PROSER3: variants seen among roughly 807,000 people sequenced by gnomAD.
The protein encoded by PROSER3 is proline and serine-rich protein 3.
Under a neutral mutation model 50.2 loss-of-function variants are expected in PROSER3, and 33 were observed. That is an observed-to-expected ratio of 0.66 (90% CI 0.50 to 0.88). The LOEUF is 0.88. Among genes scored for constraint, PROSER3 ranks in the 40% least tolerant of loss-of-function variants. The probability of loss-of-function intolerance (pLI) is 0.00; values close to 1 mark genes in which losing one functional copy is unlikely to be tolerated. For missense variants in PROSER3, 623 were observed against 612.7 expected (o/e 1.02, Z -0.18); for synonymous variants, 266 against 259.3 (o/e 1.03, Z -0.25).
intron 1 of PROSER3, 175 bp from the exon 2 acceptor site, chr19:35,759,199 A>G (rs959641976): frequency 3.3e-6 from 2 of 605,636 alleles, no homozygotes; most frequent in African/African-American, 3.7e-5. Context: ...GCGGGCTCCC[A>G]GGACTCACCC....
exon 11 of PROSER3, chr19:35,768,430 T>C: frequency 1.3e-6 from 2 of 1,597,776 alleles, no homozygotes; most frequent in Non-Finnish European, 1.7e-6. Context: ...TTATCGTTCC[T>C]GTTGGACCAG....
intron 3 of PROSER3, among the ~76,000 whole-genome samples, chr19:35,761,475 C>G (rs2146570873): frequency 6.6e-6 from 1 of 152,176 alleles, no homozygotes; most frequent in South Asian, 2.1e-4. Flanking sequence ...AGTTTGAGAC[C>G]AGCCTGACCA....
At chr19:35,767,239 C>G (rs1243683840) in intron 8 of PROSER3, 1 of 387,766 alleles carries the variant, frequency 2.6e-6, no homozygotes, top group East Asian at 4.5e-5. Context: ...CCAGCTCCCA[C>G]GGGTTCTTCT....
chr19:35,759,605 C>T, intron 2 of PROSER3, 135 bp downstream of exon 2: 1 of 1,011,686 alleles, frequency 9.9e-7, no homozygotes, highest in Non-Finnish European at 1.5e-6. Context: ...CCCCACGGCC[C>T]TGCCCTTGTC....
intron 8 of PROSER3, chr19:35,767,761 C>T: frequency 6.3e-7 from 1 of 1,576,774 alleles, no homozygotes; most frequent in African/African-American, 1.3e-5. Flanking sequence ...AACCCCAAAC[C>T]AAGGTCACTC....
intron 7 of PROSER3, among the ~76,000 whole-genome samples, chr19:35,766,011 G>T (rs958072928): frequency 1.3e-5 from 2 of 152,124 alleles, no homozygotes; most frequent in Non-Finnish European, 2.9e-5. Flanking sequence ...GCCAAGGGAG[G>T]GTTCTTAAGT....
chr19:35,758,294 C>A, intron 1 of PROSER3, 68 bp downstream of exon 1: 1 of 1,515,724 alleles, frequency 6.6e-7, no homozygotes, highest in South Asian at 1.2e-5. Flanking sequence ...GCAGCACAGC[C>A]TAGGACGGGC....
At chr19:35,761,147 A>G (rs1208422730) in intron 3 of PROSER3, among the ~76,000 whole-genome samples, 1 of 152,154 alleles carries the variant, frequency 6.6e-6, no homozygotes, top group Non-Finnish European at 1.5e-5. Context: ...CACATTTCAT[A>G]CCCTGTTTGT....
chr19:35,767,861 A>G (rs1257245719), exon 9 of PROSER3: 2 of 1,612,448 alleles, frequency 1.2e-6, no homozygotes, highest in South Asian at 2.2e-5. Flanking sequence ...GATACGGAAG[A>G]GCGAAGCCAC....
chr19:35,759,457 C>T (rs945526701), exon 2 of PROSER3: 18 of 1,612,606 alleles, frequency 1.1e-5, no homozygotes, highest in Non-Finnish European at 1.4e-5. Context: ...CAGAGCCAGA[C>T]CTGGTGTCCC....
exon 9 of PROSER3, chr19:35,767,809 G>A (rs2146630286): frequency 6.2e-7 from 1 of 1,612,380 alleles, no homozygotes; most frequent in East Asian, 2.2e-5. Context: ...CCAAGGCCGA[G>A]TCTCTGAAAG....
intron 5 of PROSER3, 135 bp from the exon 6 acceptor site, chr19:35,764,719 G>A: frequency 1.4e-6 from 1 of 702,912 alleles, no homozygotes; most frequent in East Asian, 2.8e-5. Flanking sequence ...TCCTCCCTGA[G>A]GAGGAGGAGC....
chr19:35,766,716 G>A, intron 7 of PROSER3, 52 bp from the exon 8 acceptor site: 1 of 1,363,056 alleles, frequency 7.3e-7, no homozygotes, highest in East Asian at 2.5e-5. Flanking sequence ...TCCTGGGGTT[G>A]CTGATCTCCC....
At chr19:35,770,888 TA>T (rs34372989), downstream of PROSER3, 72,306 of 148,458 alleles carry the variant, frequency 0.49, 18,542 homozygotes, top group East Asian at 0.75. Context: ...GAGGCTACAT[TA>T]AAAAAAAAAA....
At chr19:35,765,249 A>T in intron 7 of PROSER3, 73 bp downstream of exon 7, 1 of 1,509,530 alleles carries the variant, frequency 6.6e-7, no homozygotes. Context: ...CAGCTATGGG[A>T]CTTTGGGCCT....
At chr19:35,768,423 T>C in exon 11 of PROSER3, 1 of 1,597,330 alleles carries the variant, frequency 6.3e-7, no homozygotes, top group Non-Finnish European at 8.5e-7. Flanking sequence ...TGCCCGATTA[T>C]CGTTCCTGTT....
intron 5 of PROSER3, among the ~76,000 whole-genome samples, chr19:35,764,350 G>T (rs1051191366): frequency 3.3e-5 from 5 of 152,068 alleles, no homozygotes; most frequent in Non-Finnish European, 5.9e-5. Flanking sequence ...CTCCAACCAT[G>T]ATTTGTCCAT....
intron 1 of PROSER3, 152 bp downstream of exon 1, chr19:35,758,378 C>A: frequency 9.6e-7 from 1 of 1,041,860 alleles, no homozygotes; most frequent in Non-Finnish European, 1.3e-6. Context: ...CAGCCGTTGG[C>A]CTCTCCAGCC....
At chr19:35,766,405 G>A (rs373717018) in intron 7 of PROSER3, among the ~76,000 whole-genome samples, 1 of 152,034 alleles carries the variant, frequency 6.6e-6, no homozygotes. Context: ...AATTACCCCC[G>A]TGTGGTGGCA....
Sources: allele counts gnomAD v4.1 joint callset (sites outside exome capture counted in the v4.1 genomes callset), GRCh38; gene constraint gnomAD v4.1.1; transcripts MANE v1.5; gene names NCBI Gene and HGNC (gene_info 2026-07-23, HGNC 2026-07-21).